The following CCDC170 variants were observed in gnomAD, a reference collection of about 807,000 sequenced individuals.
CCDC170 encodes coiled-coil domain-containing protein 170.
Under a neutral mutation model 72.6 loss-of-function variants are expected in CCDC170, and 69 were observed. The ratio of observed to expected loss-of-function variants is 0.95; its 90% confidence interval spans 0.78 to 1.16. CCDC170 has a LOEUF of 1.16. CCDC170 is among the 50% of genes most tolerant of loss of function. The pLI is 0.00. For missense variants in CCDC170, 852 were observed against 832.5 expected (o/e 1.02, Z -0.29); for synonymous variants, 300 against 303.9 (o/e 0.99, Z 0.13).
At chr6:151,574,699 G>A (rs1041757572) in intron 6 of CCDC170, among the ~76,000 whole-genome samples, 2 of 152,156 alleles carry the variant, frequency 1.3e-5, no homozygotes, top group African/African-American at 2.4e-5. Flanking sequence ...GGTCAGGTCA[G>A]GCCAAGCTTT....
At chr6:151,558,610 T>A (rs556335345) in intron 5 of CCDC170, among the ~76,000 whole-genome samples, 18 of 152,346 alleles carry the variant, frequency 1.2e-4, no homozygotes, top group African/African-American at 4.3e-4. Context: ...CTTCTGCATA[T>A]GGATGTCTAG....
chr6:151,586,060 CG>C lies in CCDC170; in HGVS notation c.1265del (p.Arg422GlnfsTer4), dbSNP rs1776447150. The C allele has an allele frequency of 6.2e-7, 1 of 1,614,022 alleles. No individual in the cohort carries two copies. Among genetic ancestry groups the C allele is most frequent in the South Asian group, 1.1e-5 (1 of 91,076 alleles). Reference sequence around the variant, plus strand: ...AGAGCTGGTTTCTGGAGGTGTTTTGCGAGACAACTTGAATTTTGAGAAACAA... The same window carrying C: ...AGAGCTGGTTTCTGGAGGTGTTTTGCAGACAACTTGAATTTTGAGAAACAA... The part of the protein sequence containing the change: ...EAELVSGGVL[R>X]DNLNFEKQKY... On this transcript the variant is annotated frameshift_variant, in exon 7 of 11. Coordinates refer to ENST00000239374, the MANE Select transcript of CCDC170 (RefSeq NM_025059.4). LOFTEE classifies it high-confidence loss of function.
rs1777047493 is a variant in CCDC170, at chr6:151,620,689, T to C, written c.*2542T>C. On this transcript the variant is annotated 3_prime_UTR_variant, in exon 11 of 11. Transcript: ENST00000239374. ...TGAGAGTGGAGATTGTTTTTGTACATTCTCTTTGTTTTCATTTTCCAAATA... is the reference window on the plus strand; with the variant it reads ...TGAGAGTGGAGATTGTTTTTGTACACTCTCTTTGTTTTCATTTTCCAAATA... 1 of 152,172 alleles carries C rather than the reference T, an allele frequency of 6.6e-6. No individual in the cohort carries two copies. The highest frequency in any genetic ancestry group is 1.5e-5 in the Non-Finnish European group (1 of 68,026). 9.4% of individuals were successfully genotyped at this position (152,172 alleles called of 1,614,324 possible).
chr6:151,568,104 T>TTA lies in CCDC170; in HGVS notation c.775-5070_775-5069insTA, dbSNP rs1384354803. Reference sequence around the variant, plus strand: ...CAGCCTGGGCGACAGAGTGAGACTCTGAAAAAAAAAAAAAAAAAAAAAAAA... The same window carrying TTA: ...CAGCCTGGGCGACAGAGTGAGACTCTTAGAAAAAAAAAAAAAAAAAAAAAAAA... On this transcript the variant is annotated intron_variant, in intron 5 of 10. Transcript: ENST00000239374. Among the ~76,000 whole-genome samples the TTA allele has an allele frequency of 1.6e-3, 42 of 26,208 alleles. 2 individuals are homozygous for TTA. Among genetic ancestry groups the TTA allele is most frequent in the African/African-American group, 0.011 (41 of 3,650 alleles). 17.2% of individuals were successfully genotyped at this position (26,208 alleles called of 152,430 possible).
At chr6:151,614,202 T>G (rs1217966696) in intron 9 of CCDC170, among the ~76,000 whole-genome samples, 2 of 152,198 alleles carry the variant, frequency 1.3e-5, no homozygotes, top group Non-Finnish European at 2.9e-5. Context: ...GCAACCATTA[T>G]CACTATCCAC....
chr6:151,603,627 T>A (rs1776742717), intron 9 of CCDC170, among the ~76,000 whole-genome samples: 1 of 152,222 alleles, frequency 6.6e-6, no homozygotes, highest in Non-Finnish European at 1.5e-5. Flanking sequence ...AAACACCCCA[T>A]GATATCAGTG....
chr6:151,548,538 C>A (rs1411945272), intron 5 of CCDC170, 49 bp downstream of exon 5: 1 of 1,429,296 alleles, frequency 7.0e-7, no homozygotes, highest in Non-Finnish European at 9.3e-7. Flanking sequence ...GTTGAAGAAG[C>A]AGAAATGGAA....
At chr6:151,524,588 C>G (rs977292884) in intron 1 of CCDC170, among the ~76,000 whole-genome samples, 3 of 152,138 alleles carry the variant, frequency 2.0e-5, no homozygotes, top group African/African-American at 7.2e-5. Context: ...GATTTTAATA[C>G]TAAAATTATA....
intron 6 of CCDC170, among the ~76,000 whole-genome samples, chr6:151,582,351 A>T (rs1014323015): frequency 3.9e-5 from 6 of 152,178 alleles, no homozygotes; most frequent in Non-Finnish European, 8.8e-5. Flanking sequence ...AAATCTCATG[A>T]ATCAATCTCT....
At chr6:151,557,686 A>G (rs1583025532) in intron 5 of CCDC170, among the ~76,000 whole-genome samples, 1 of 152,266 alleles carries the variant, frequency 6.6e-6, no homozygotes, top group East Asian at 1.9e-4. Context: ...TCTTCTCTGT[A>G]TCCTTGCGAG....
intron 7 of CCDC170, among the ~76,000 whole-genome samples, 156 bp downstream of exon 7, chr6:151,586,245 G>T (rs900253664): frequency 6.6e-6 from 1 of 152,122 alleles, no homozygotes; most frequent in African/African-American, 2.4e-5. Context: ...GAGCTTCCTT[G>T]ATTCAAATTA....
chr6:151,575,024 C>G lies in CCDC170; in HGVS notation c.1092+1533C>G, dbSNP rs115418008. On this transcript the variant is annotated intron_variant, in intron 6 of 10. Transcript: ENST00000239374. ...ACGTATATGATTGAGGCTTGTTTAA[C>G]TCTGTCATCTTGTTTCTACTATCAA... Among the ~76,000 whole-genome samples, 1,486 of 152,174 alleles carry G rather than the reference C, an allele frequency of 9.8e-3. 26 individuals are homozygous for G. The highest frequency in any genetic ancestry group is 0.034 in the African/African-American group (1,418 of 41,504).
chr6:151,583,369 A>G (rs962995308), intron 6 of CCDC170, among the ~76,000 whole-genome samples: 1 of 152,094 alleles, frequency 6.6e-6, no homozygotes, highest in Non-Finnish European at 1.5e-5. Context: ...AAGAGGCCCA[A>G]TTTTTGGCCG....
intron 5 of CCDC170, among the ~76,000 whole-genome samples, chr6:151,554,369 C>T (rs1052345500): frequency 6.6e-6 from 1 of 152,166 alleles, no homozygotes; most frequent in East Asian, 1.9e-4. Context: ...GTCAGGCAGG[C>T]CTGGATTTGC....
Position 151,607,302 on chromosome 6 carries a change from G to A in CCDC170, c.1711-8141G>A, listed in dbSNP as rs144350632. ...ATTCAAGGTTGTTATTCATAAGTGA[G>A]GACTTACTCCTTTCATTTTGGTAAT... On this transcript the variant is annotated intron_variant, in intron 9 of 10. Transcript: ENST00000239374. Among the ~76,000 whole-genome samples the A allele has an allele frequency of 3.9e-5, 6 of 152,156 alleles. No individual in the cohort carries two copies. In the East Asian group the frequency reaches 1.2e-3, roughly 29 times the overall value.
At chr6:151,600,443 G>C (rs1032137358) in intron 9 of CCDC170, among the ~76,000 whole-genome samples, 3 of 152,172 alleles carry the variant, frequency 2.0e-5, no homozygotes, top group African/African-American at 7.2e-5. Flanking sequence ...TCCCCTTCAC[G>C]TGACCTCCCC....
intron 5 of CCDC170, among the ~76,000 whole-genome samples, chr6:151,562,944 G>A (rs920966737): frequency 6.6e-6 from 1 of 152,212 alleles, no homozygotes; most frequent in East Asian, 1.9e-4. Context: ...AACCCCTGTT[G>A]CAGGGCTCAT....
At chr6:151,534,564 G>A (rs1345327273) in intron 1 of CCDC170, among the ~76,000 whole-genome samples, 1 of 152,100 alleles carries the variant, frequency 6.6e-6, no homozygotes, top group Non-Finnish European at 1.5e-5. Context: ...AAGACCCTCC[G>A]ACTATTGAAT....
intron 1 of CCDC170, among the ~76,000 whole-genome samples, chr6:151,506,968 C>A (rs1244422031): frequency 6.6e-6 from 1 of 152,238 alleles, no homozygotes; most frequent in Admixed American, 6.5e-5. Context: ...CCAGTCACCA[C>A]AATCTTGTAA....
Sources: allele counts gnomAD v4.1 joint callset (sites outside exome capture counted in the v4.1 genomes callset), GRCh38; gene constraint gnomAD v4.1.1; transcripts MANE v1.5; gene names NCBI Gene and HGNC (gene_info 2026-07-23, HGNC 2026-07-21).